The following GLI3 variants were observed in gnomAD, a reference collection of about 807,000 sequenced individuals.
GLI3 encodes transcription activator GLI3.
Under a neutral mutation model 100.8 loss-of-function variants are expected in GLI3, and 20 were observed. The ratio of observed to expected loss-of-function variants is 0.20; its 90% confidence interval spans 0.14 to 0.29. GLI3 has a LOEUF of 0.29. GLI3 is among the 10% of genes least tolerant of loss of function. The pLI is 1.00. For missense variants in GLI3, 2,040 were observed against 2,128.5 expected (o/e 0.96, Z 0.82); for synonymous variants, 938 against 860.5 (o/e 1.09, Z -1.58).
intron 1 of GLI3, among the ~76,000 whole-genome samples, chr7:42,256,969 T>C (rs934389039): frequency 6.6e-6 from 1 of 152,192 alleles, no homozygotes. Context: ...GTTTTGTAGA[T>C]TTTATTTCAC....
At chr7:42,079,941 A>T (rs1386042970) in intron 3 of GLI3, among the ~76,000 whole-genome samples, 1 of 152,218 alleles carries the variant, frequency 6.6e-6, no homozygotes, top group East Asian at 1.9e-4. Flanking sequence ...ATGAGTGTTT[A>T]TAATGAAGTT....
At chr7:42,122,695 T>C (rs191729669) in intron 3 of GLI3, among the ~76,000 whole-genome samples, 1 of 152,304 alleles carries the variant, frequency 6.6e-6, no homozygotes, top group Admixed American at 6.5e-5. Flanking sequence ...GCACCTATCT[T>C]TTCTTTATTA....
At position 41,964,969 on chromosome 7, in the gene GLI3, G is replaced by A. The variant is rs780530149; in HGVS notation, c.4104C>T (p.His1368=). 3.3e-5 allele frequency: 54 copies of A among 1,613,610 alleles called. No homozygotes were observed. The highest frequency in any genetic ancestry group is 2.0e-4 in the African/African-American group (15 of 74,936). ...AGCTTGACGGCTGGCTGCCCATGCCGTGAGCCCCTGGCAGGCAGCTCTCTG... is the reference window on the plus strand; with the variant it reads ...AGCTTGACGGCTGGCTGCCCATGCCATGAGCCCCTGGCAGGCAGCTCTCTG... ...QGPESCLPGA[H]GMGSQPSSLA... The change falls in exon 15 of 15, where the codon CAC becomes CAT. Residue 1368 remains histidine (H), a synonymous_variant. Coordinates refer to ENST00000395925, the MANE Select transcript of GLI3 (RefSeq NM_000168.6).
intron 3 of GLI3, among the ~76,000 whole-genome samples, chr7:42,114,082 A>T (rs950809199): frequency 3.9e-5 from 6 of 152,238 alleles, no homozygotes; most frequent in African/African-American, 1.4e-4. Flanking sequence ...CTTTCCAGTG[A>T]TGGCAATGAG....
chr7:42,045,261 G>T, intron 6 of GLI3, 123 bp downstream of exon 6: 1 of 950,496 alleles, frequency 1.1e-6, no homozygotes, highest in Non-Finnish European at 1.7e-6. Context: ...AGATAGTGGT[G>T]GTTCCACTTT....
chr7:42,027,400 C>T lies in GLI3; in HGVS notation c.1029-988G>A, dbSNP rs997256405. Among the ~76,000 whole-genome samples, 9 of 152,148 alleles carry T rather than the reference C, an allele frequency of 5.9e-5. No individual in the cohort carries two copies. In the South Asian group the frequency reaches 1.5e-3, roughly 25 times the overall value. On this transcript the variant is annotated intron_variant, in intron 7 of 14. Coordinates refer to ENST00000395925, the MANE Select transcript of GLI3 (RefSeq NM_000168.6). Reference sequence around the variant, plus strand: ...TATATATATATATGTATGTATTTCTCCCTGTCCTGCTGTGTAATACCCAGA... The same window carrying T: ...TATATATATATATGTATGTATTTCTTCCTGTCCTGCTGTGTAATACCCAGA...
chr7:42,126,416 T>C (rs1786133114), intron 3 of GLI3, among the ~76,000 whole-genome samples: 1 of 152,220 alleles, frequency 6.6e-6, no homozygotes, highest in African/African-American at 2.4e-5. Context: ...TTTTAATACT[T>C]TGCCTCATTT....
intron 5 of GLI3, among the ~76,000 whole-genome samples, chr7:42,046,983 C>T (rs1784258992): frequency 6.6e-6 from 1 of 152,118 alleles, no homozygotes; most frequent in East Asian, 1.9e-4. Flanking sequence ...TGGCGAAACG[C>T]TGTCTCTACA....
chr7:42,058,422 A>T (rs1784505008), intron 4 of GLI3, among the ~76,000 whole-genome samples: 1 of 152,258 alleles, frequency 6.6e-6, no homozygotes. Context: ...AAAAGGATAC[A>T]TGCCAAATAC....
intron 3 of GLI3, among the ~76,000 whole-genome samples, chr7:42,126,439 C>T (rs1319369408): frequency 6.6e-6 from 1 of 152,144 alleles, no homozygotes; most frequent in Non-Finnish European, 1.5e-5. Flanking sequence ...TTAAAGATTT[C>T]AGCCAGCATA....
intron 7 of GLI3, among the ~76,000 whole-genome samples, chr7:42,029,954 G>A (rs1789238656): frequency 6.6e-6 from 1 of 152,170 alleles, no homozygotes; most frequent in African/African-American, 2.4e-5. Flanking sequence ...CTGAGTCAAT[G>A]AGTGACTGAA....
At chr7:42,071,879 G>A (rs937981888) in intron 4 of GLI3, among the ~76,000 whole-genome samples, 1 of 152,116 alleles carries the variant, frequency 6.6e-6, no homozygotes, top group South Asian at 2.1e-4. Flanking sequence ...TGAGGTGAAG[G>A]GAGGTGGCCA....
chr7:42,198,783 CACAA>C (rs888147354), intron 2 of GLI3, among the ~76,000 whole-genome samples: 2 of 152,058 alleles, frequency 1.3e-5, no homozygotes, highest in Admixed American at 6.5e-5. Flanking sequence ...CACACACACA[CACAA>C]ACACACAGGC....
At chr7:42,123,482 A>C (rs1786051052) in intron 3 of GLI3, among the ~76,000 whole-genome samples, 1 of 152,252 alleles carries the variant, frequency 6.6e-6, no homozygotes, top group Non-Finnish European at 1.5e-5. Flanking sequence ...ATTTCCTAAA[A>C]GGAAATTCAG....
In GLI3 at chr7:41,967,619, G is replaced by T. The variant is rs34169786; in HGVS notation, c.2408C>A (p.Ala803Glu). 4.3e-6 allele frequency: 7 copies of T among 1,613,144 alleles called. No homozygotes were observed. The highest frequency in any genetic ancestry group is 1.7e-4 in the Middle Eastern group (1 of 5,850). ...LNPILPPKAP[A>E]VSPLIGNGTQ... is the part of the protein sequence containing the mutation. ...ACCATTTCCTATGAGAGGAGAGACC[G>T]CAGGGGCTTTAGGGGGTAGAATGGG... The change falls in exon 14 of 15, where the codon GCG becomes GAG. Residue 803 changes from alanine (A) to glutamate (E), a missense_variant. This residue lies in a region of GLI3 where 327 missense variants were observed against 338.7 expected (regional missense o/e 0.97). Coordinates refer to ENST00000395925, the MANE Select transcript of GLI3 (RefSeq NM_000168.6).
intron 3 of GLI3, among the ~76,000 whole-genome samples, chr7:42,098,480 C>G (rs146728453): frequency 6.6e-6 from 1 of 152,134 alleles, no homozygotes; most frequent in East Asian, 1.9e-4. Context: ...CGATGTACAG[C>G]AGAGGGCTCT....
intron 2 of GLI3, among the ~76,000 whole-genome samples, chr7:42,185,251 C>T (rs1787695848): frequency 6.6e-6 from 1 of 152,198 alleles, no homozygotes; most frequent in Non-Finnish European, 1.5e-5. Flanking sequence ...TCAGAATCCA[C>T]ACATATTCAA....
chr7:41,972,666 G>C lies in GLI3; in HGVS notation c.1813-39C>G, dbSNP rs758257368. 4 of 1,562,008 alleles carry C rather than the reference G, an allele frequency of 2.6e-6. No individual in the cohort carries two copies. Among genetic ancestry groups the C allele is most frequent in the Non-Finnish European group, 1.7e-6 (2 of 1,146,228 alleles). ...CAAGAACGAGGTAAGAGATTGTTATGAAAGAGACTATGCCCCAGCCCAAAA... is the reference window on the plus strand; with the variant it reads ...CAAGAACGAGGTAAGAGATTGTTATCAAAGAGACTATGCCCCAGCCCAAAA... On this transcript the variant is annotated intron_variant, in intron 12 of 14. Transcript: ENST00000395925. The surrounding 1 kb of genome is among the most constrained non-coding windows in gnomAD (Gnocchi z 4.4).
chr7:42,009,391 A>C (rs1655802613), intron 10 of GLI3, among the ~76,000 whole-genome samples: 1 of 151,700 alleles, frequency 6.6e-6, no homozygotes, highest in African/African-American at 2.4e-5. Flanking sequence ...ACTTGACCCT[A>C]CCCTTGGAAC....
Sources: gnomAD v4.1 joint callset for allele counts (sites outside exome capture counted in the v4.1 genomes callset) on GRCh38, gnomAD v4.1.1 for gene constraint, gnomAD v4.1.1 regional missense constraint, Gnocchi (gnomAD v3.1) non-coding constraint, MANE v1.5 for transcripts, NCBI Gene and HGNC (gene_info 2026-07-23, HGNC 2026-07-21) for gene names.